KIAA0232: variants seen among roughly 807,000 people sequenced by gnomAD.
KIAA0232 encodes the protein KIAA0232.
A neutral mutation model predicts 122.0 loss-of-function variants in KIAA0232; 27 were observed. That is an observed-to-expected ratio of 0.22 (90% CI 0.16 to 0.31). The LOEUF (loss-of-function observed/expected upper bound fraction) is 0.31. Among genes scored for constraint, KIAA0232 ranks in the 10% least tolerant of loss-of-function variants. The probability of loss-of-function intolerance (pLI) is 1.00; values close to 1 mark genes in which losing one functional copy is unlikely to be tolerated. For missense variants in KIAA0232, 1,551 were observed against 1,634.2 expected (o/e 0.95, Z 0.88); for synonymous variants, 613 against 587.6 (o/e 1.04, Z -0.63).
At chr4:6,860,003 C>G (rs745347106) in intron 6 of KIAA0232, among the ~76,000 whole-genome samples, 1 of 152,186 alleles carries the variant, frequency 6.6e-6, no homozygotes, top group Non-Finnish European at 1.5e-5. Flanking sequence ...CACACAGGCT[C>G]TCAGGCCTCA....
chr4:6,872,640 A>G (rs1311555617), intron 8 of KIAA0232, among the ~76,000 whole-genome samples: 1 of 152,206 alleles, frequency 6.6e-6, no homozygotes, highest in African/African-American at 2.4e-5. Context: ...ATTGGCTACC[A>G]CATTTATTTA....
chr4:6,792,774 C>A (rs1041302715), intron 1 of KIAA0232, among the ~76,000 whole-genome samples: 3 of 150,468 alleles, frequency 2.0e-5, no homozygotes, highest in Non-Finnish European at 4.4e-5. Flanking sequence ...ACTGCAAGCT[C>A]CGCCTCCTGG....
intron 9 of KIAA0232, among the ~76,000 whole-genome samples, chr4:6,877,616 A>G (rs1721826547): frequency 1.3e-5 from 2 of 152,108 alleles, no homozygotes; most frequent in African/African-American, 4.8e-5. Flanking sequence ...TTGGAGTCCG[A>G]TGTTCGAGGG....
At chr4:6,789,861 T>C (rs1400564759) in intron 1 of KIAA0232, among the ~76,000 whole-genome samples, 1 of 151,832 alleles carries the variant, frequency 6.6e-6, no homozygotes, top group African/African-American at 2.4e-5. Context: ...ACCCTGTTTC[T>C]ACAAAAAAAT....
chr4:6,834,553 T>C (rs758715329), intron 3 of KIAA0232, among the ~76,000 whole-genome samples: 3 of 152,212 alleles, frequency 2.0e-5, no homozygotes, highest in Non-Finnish European at 4.4e-5. Context: ...CCTAACAATC[T>C]CAATTTGAAA....
Position 6,859,950 on chromosome 4 carries a change from A to G in KIAA0232, c.519-951A>G, listed in dbSNP as rs549077687. On this transcript the variant is annotated intron_variant, in intron 6 of 9. Transcript: ENST00000307659. ...ATTTCTGGTGATCACAGCTCTAGTTAGTTTTCCATTCTGTGAGCATAACAT... is the reference window on the plus strand; with the variant it reads ...ATTTCTGGTGATCACAGCTCTAGTTGGTTTTCCATTCTGTGAGCATAACAT... Among the ~76,000 whole-genome samples, 9 of 152,188 alleles carry G rather than the reference A, an allele frequency of 5.9e-5. No individual in the cohort carries two copies. The South Asian group carries it at 1.9e-3, about 32-fold the overall frequency.
rs541801593 is a variant in KIAA0232, at chr4:6,799,758, A to G, written c.-353-4765A>G. 1.3e-3 allele frequency among the ~76,000 whole-genome samples: 205 copies of G among 152,004 alleles called. 1 individual carries two copies. The highest frequency in any genetic ancestry group is 4.8e-3 in the African/African-American group (197 of 41,448). ...TTGCCAGGCTGGAGTGAAGTGGCAC[A>G]ATCTCGACTCACTGCAACCTCCGCC... is the stretch of plus-strand genomic sequence containing the variant. On this transcript the variant is annotated intron_variant, in intron 1 of 9. Coordinates refer to ENST00000307659, the MANE Select transcript of KIAA0232 (RefSeq NM_014743.3).
chr4:6,824,544 T>A lies in KIAA0232; in HGVS notation c.91T>A (p.Ser31Thr). ...YPGPVSVSEM[S>T]LLHALGPVQT... ...AGGCCCTGTGTCTGTTTCTGAAATGTCTCTGCTTCATGCTTTGGGTCCAGT... is the reference window on the plus strand; with the variant it reads ...AGGCCCTGTGTCTGTTTCTGAAATGACTCTGCTTCATGCTTTGGGTCCAGT... The change falls in exon 3 of 10, where the codon TCT becomes ACT. Residue 31 changes from serine (S) to threonine (T), a missense_variant. By Grantham distance (58) the Ser-to-Thr change is moderately conservative. Around this residue, in one of 5 missense-constraint regions of KIAA0232, gnomAD observed 26 missense variants for 52.2 expected, o/e 0.50. Transcript: ENST00000307659. 1 of 1,614,220 alleles carries A rather than the reference T, an allele frequency of 6.2e-7. No individual in the cohort carries two copies. The highest frequency in any genetic ancestry group is 8.5e-7 in the Non-Finnish European group (1 of 1,180,038).
chr4:6,809,755 A>G (rs1335069750), intron 2 of KIAA0232, among the ~76,000 whole-genome samples: 1 of 152,198 alleles, frequency 6.6e-6, no homozygotes, highest in East Asian at 1.9e-4. Flanking sequence ...AAATCGGCAT[A>G]CAAAAATCAG....
At position 6,861,203 on chromosome 4, in the gene KIAA0232, A is replaced by G. The variant is rs376417519; in HGVS notation, c.821A>G (p.Gln274Arg). The G allele has an allele frequency of 1.9e-6, 3 of 1,614,200 alleles. No homozygotes were observed. The highest frequency in any genetic ancestry group is 8.5e-7 in the Non-Finnish European group (1 of 1,180,050). Residue 274 changes from glutamine (Q) to arginine (R), a missense_variant, in exon 7 of 10, where the codon CAA (glutamine) becomes CGA (arginine). Physicochemically the swap from Gln to Arg is conservative, Grantham distance 43. Transcript: ENST00000307659. ...GAAAAGCCTGCTTTGTACAAAAAGC[A>G]AATCCGACATAAACCTGAAGGAAAG... ...IEEKPALYKKQIRHKPEGKIR... is the reference protein window; with the variant it reads ...IEEKPALYKKRIRHKPEGKIR...
intron 6 of KIAA0232, 71 bp downstream of exon 6, chr4:6,858,577 C>G: frequency 1.0e-6 from 1 of 974,882 alleles, no homozygotes. Context: ...TACATGGTTT[C>G]CGTTTTCTGT....
intron 2 of KIAA0232, 95 bp from the exon 3 acceptor site, chr4:6,824,090 A>C (rs965545602): frequency 2.4e-6 from 1 of 410,496 alleles, no homozygotes; most frequent in Non-Finnish European, 4.3e-6. Flanking sequence ...TATTTTAATA[A>C]AGAGGGACAG....
intron 1 of KIAA0232, among the ~76,000 whole-genome samples, chr4:6,792,694 TG>T (rs772796557): frequency 0.012 from 1,421 of 122,730 alleles, 32 homozygotes; most frequent in African/African-American, 0.039. Flanking sequence ...TTTTTTTTTT[TG>T]TTTTTTTTTT....
chr4:6,800,043 C>CTTTTTTTTTTTTTTTTTTTATTTTTT (rs1717313536), intron 1 of KIAA0232, among the ~76,000 whole-genome samples: 1 of 60,038 alleles, frequency 1.7e-5, no homozygotes, highest in Non-Finnish European at 3.6e-5. Context: ...TTCTTTCTTT[C>CTTTTTTTTTTTTTTTTTTTATTTTTT]TTTTTTTTTT....
At chr4:6,788,206 TG>T (rs971342466) in intron 1 of KIAA0232, among the ~76,000 whole-genome samples, 1 of 152,060 alleles carries the variant, frequency 6.6e-6, no homozygotes, top group Non-Finnish European at 1.5e-5. Flanking sequence ...TTTGTAGAGA[TG>T]GGGTTTTGCT....
intron 4 of KIAA0232, among the ~76,000 whole-genome samples, chr4:6,843,192 G>C (rs921044348): frequency 6.6e-6 from 1 of 152,118 alleles, no homozygotes; most frequent in African/African-American, 2.4e-5. Context: ...ACTCTAAGAT[G>C]TTATCTGTGA....
rs1465871409 is a variant in KIAA0232, at chr4:6,842,134, G to A, written c.299G>A (p.Cys100Tyr). 3.1e-6 allele frequency: 5 copies of A among 1,613,158 alleles called. No individual in the cohort carries two copies. Among genetic ancestry groups the A allele is most frequent in the African/African-American group, 1.3e-5 (1 of 74,870 alleles). The change falls in exon 4 of 10, where the codon TGT (cysteine) becomes TAT (tyrosine). Residue 100 changes from cysteine to tyrosine, a missense_variant. Cys to Tyr is a radical substitution (Grantham distance 194, BLOSUM62 -2). Coordinates refer to ENST00000307659, the MANE Select transcript of KIAA0232 (RefSeq NM_014743.3). Reference sequence around the variant, plus strand: ...AAATGGGGAAAGAGTAAGAAAAAATGTTCAGATCTAACTCTAGAAGAAATG... The same window carrying A: ...AAATGGGGAAAGAGTAAGAAAAAATATTCAGATCTAACTCTAGAAGAAATG... ...YKKWGKSKKKCSDLTLEEMKK... is the reference protein window; with the variant it reads ...YKKWGKSKKKYSDLTLEEMKK...
At chr4:6,829,901 G>C (rs1252804021) in intron 3 of KIAA0232, among the ~76,000 whole-genome samples, 2 of 152,174 alleles carry the variant, frequency 1.3e-5, no homozygotes, top group Non-Finnish European at 2.9e-5. Flanking sequence ...ATGAGGGTGT[G>C]TTTCAGTATT....
chr4:6,866,032 T>A (rs1235724947), intron 7 of KIAA0232, among the ~76,000 whole-genome samples: 1 of 152,220 alleles, frequency 6.6e-6, no homozygotes, highest in African/African-American at 2.4e-5. Context: ...GGCACTGCTC[T>A]AATCAGCTAC....
Sources: allele counts gnomAD v4.1 joint callset (sites outside exome capture counted in the v4.1 genomes callset), GRCh38; gene constraint gnomAD v4.1.1; regional missense constraint gnomAD v4.1.1; transcripts MANE v1.5; gene names NCBI Gene and HGNC (gene_info 2026-07-23, HGNC 2026-07-21).